Variants in MAGI2 observed in about 807,000 individuals in gnomAD.
The protein encoded by MAGI2 is membrane associated guanylate kinase, WW and PDZ domain containing 2.
MAGI2 carries 35 observed loss-of-function variants against 133.3 expected under a neutral mutation model. That is an observed-to-expected ratio of 0.26 (90% CI 0.20 to 0.35). MAGI2 has a LOEUF of 0.35. Among genes scored for constraint, MAGI2 ranks in the 10% least tolerant of loss-of-function variants. The pLI, the probability that MAGI2 is intolerant of heterozygous loss-of-function variation, is 1.00. For synonymous variants in MAGI2, 729 were observed against 710.6 expected, an observed-to-expected ratio of 1.03 and a Z score of -0.41; for missense variants, 1,636 against 1,863.4, an observed-to-expected ratio of 0.88 and a Z score of 2.25.
intron 1 of MAGI2, among the ~76,000 whole-genome samples, chr7:79,187,242 T>C (rs1280902798): frequency 6.6e-6 from 1 of 151,800 alleles, no homozygotes; most frequent in African/African-American, 2.4e-5. Flanking sequence ...ATTATTTTAA[T>C]TCTCATAATT....
intron 1 of MAGI2, among the ~76,000 whole-genome samples, chr7:79,315,341 T>A (rs1268639041): frequency 4.3e-5 from 4 of 92,930 alleles, no homozygotes; most frequent in Non-Finnish European, 1.1e-4. Flanking sequence ...TTTTTTTTTT[T>A]TTTTTGTATT....
At chr7:78,638,027 G>A (rs1307934104) in intron 2 of MAGI2, among the ~76,000 whole-genome samples, 1 of 151,836 alleles carries the variant, frequency 6.6e-6, no homozygotes, top group African/African-American at 2.4e-5. Context: ...TCATGCCACT[G>A]CACTCAGCCT....
chr7:79,302,688 C>A (rs1259948875), intron 1 of MAGI2, among the ~76,000 whole-genome samples: 1 of 152,126 alleles, frequency 6.6e-6, no homozygotes, highest in Admixed American at 6.6e-5. Flanking sequence ...TCAACAAAAT[C>A]AGTTAGAGAT....
intron 5 of MAGI2, among the ~76,000 whole-genome samples, chr7:78,493,252 T>C (rs1352964552): frequency 6.6e-6 from 1 of 152,214 alleles, no homozygotes; most frequent in Non-Finnish European, 1.5e-5. Flanking sequence ...ATTTGTAAGC[T>C]TAACTTTTGC....
chr7:78,302,579 T>C (rs966570838), intron 9 of MAGI2, among the ~76,000 whole-genome samples: 6 of 152,196 alleles, frequency 3.9e-5, no homozygotes, highest in Non-Finnish European at 7.4e-5. Flanking sequence ...CAAACGAATA[T>C]AAACAGCTTC....
chr7:78,719,360 G>GA (rs905270085), intron 2 of MAGI2, among the ~76,000 whole-genome samples: 13 of 149,960 alleles, frequency 8.7e-5, no homozygotes, highest in African/African-American at 3.2e-4. Flanking sequence ...AAGGTTGAAG[G>GA]AAAAAAAATA....
rs561897529 is a variant in MAGI2, at chr7:78,584,047, TG to T, written c.538+43072del. Among the ~76,000 whole-genome samples the T allele has an allele frequency of 2.6e-3, 399 of 152,292 alleles. 5 individuals are homozygous for T. The highest frequency in any genetic ancestry group is 0.025 in the Admixed American group (377 of 15,294). ...AGAAGCTTATGTAACCCATGTGTGATGGGAAAAAACCAAACCAAATCAAACA... is the reference window on the plus strand; with the variant it reads ...AGAAGCTTATGTAACCCATGTGTGATGGAAAAAACCAAACCAAATCAAACA... On this transcript the variant is annotated intron_variant, in intron 3 of 21. Transcript: ENST00000354212.
intron 1 of MAGI2, among the ~76,000 whole-genome samples, chr7:79,113,305 G>A (rs1007811857): frequency 2.6e-5 from 4 of 152,148 alleles, no homozygotes; most frequent in Non-Finnish European, 4.4e-5. Context: ...CCCATGGTGA[G>A]CTATTTCTTT....
intron 14 of MAGI2, among the ~76,000 whole-genome samples, chr7:78,174,071 G>A (rs989860923): frequency 2.6e-5 from 4 of 152,132 alleles, no homozygotes; most frequent in Admixed American, 1.3e-4. Context: ...AGAGCCTGTA[G>A]AACTTAGAGG....
chr7:78,903,764 A>C (rs1797798845), intron 2 of MAGI2, among the ~76,000 whole-genome samples: 1 of 152,116 alleles, frequency 6.6e-6, no homozygotes, highest in Admixed American at 6.6e-5. Flanking sequence ...GTGCATAGAA[A>C]AATACGCAGT....
chr7:78,231,755 G>C (rs1364931277), intron 10 of MAGI2, among the ~76,000 whole-genome samples: 1 of 152,122 alleles, frequency 6.6e-6, no homozygotes, highest in Middle Eastern at 3.2e-3. Context: ...TGGACACAAA[G>C]GGAAGTCTTT....
intron 1 of MAGI2, among the ~76,000 whole-genome samples, chr7:79,134,960 A>G (rs1821249327): frequency 6.6e-6 from 1 of 152,224 alleles, no homozygotes; most frequent in Non-Finnish European, 1.5e-5. Flanking sequence ...CACAACACAA[A>G]TATTTTGAGA....
intron 2 of MAGI2, among the ~76,000 whole-genome samples, chr7:78,655,016 T>G (rs2151023400): frequency 6.6e-6 from 1 of 151,944 alleles, no homozygotes; most frequent in South Asian, 2.1e-4. Context: ...GGATAAATGC[T>G]TGAGGTGATA....
chr7:79,057,877 T>C (rs962558805), intron 1 of MAGI2, among the ~76,000 whole-genome samples: 3 of 151,986 alleles, frequency 2.0e-5, no homozygotes, highest in South Asian at 2.1e-4. Flanking sequence ...TCCACTTCCA[T>C]TGCATTTTTT....
rs1198334648 is a variant in MAGI2 at position 78,209,202 on chromosome 7, A to T, written c.2048-8009T>A. Reference sequence around the variant, plus strand: ...GCGCCACTGCACTCCACCCTGGGCGACAGAGCAAGACTCTGTCTCAAAAAA... The same window carrying T: ...GCGCCACTGCACTCCACCCTGGGCGTCAGAGCAAGACTCTGTCTCAAAAAA... On this transcript the variant is annotated intron_variant, in intron 10 of 21. Transcript: ENST00000354212. Among the ~76,000 whole-genome samples the T allele has an allele frequency of 2.2e-4, 6 of 27,366 alleles. 1 individual carries two copies. Among genetic ancestry groups the T allele is most frequent in the African/African-American group, 4.6e-4 (6 of 12,990 alleles). The allele number at this position is 27,366 out of a possible 152,430, so 18.0% of individuals were successfully genotyped here. A position where few individuals can be genotyped will look rare whatever the true frequency, so the allele number is the denominator to read the frequency against.
chr7:79,309,968 T>TAAAAAAAAAAAAAAAA (rs111847690), intron 1 of MAGI2, among the ~76,000 whole-genome samples: 1 of 101,506 alleles, frequency 9.9e-6, no homozygotes, highest in Non-Finnish European at 2.0e-5. Context: ...TTGTTTTTCC[T>TAAAAAAAAAAAAAAAA]AAAAAAAAAA....
intron 21 of MAGI2, among the ~76,000 whole-genome samples, chr7:78,062,349 C>T (rs187231999): frequency 1.3e-5 from 2 of 152,104 alleles, no homozygotes; most frequent in East Asian, 1.9e-4. Flanking sequence ...GAGTAGCAGG[C>T]GAAGGCCACT....
At chr7:78,424,495 C>T (rs1799100747) in intron 6 of MAGI2, among the ~76,000 whole-genome samples, 1 of 151,986 alleles carries the variant, frequency 6.6e-6, no homozygotes, top group South Asian at 2.1e-4. Flanking sequence ...CCTAGTGGAG[C>T]AGTGAAAAAA....
At chr7:78,995,042 A>G (rs1462438578) in intron 2 of MAGI2, among the ~76,000 whole-genome samples, 1 of 152,126 alleles carries the variant, frequency 6.6e-6, no homozygotes, top group Admixed American at 6.6e-5. Flanking sequence ...GTGCAAGAAG[A>G]ATTCAGAAAG....
Sources: gnomAD v4.1 joint callset for allele counts (sites outside exome capture counted in the v4.1 genomes callset) on GRCh38, gnomAD v4.1.1 for gene constraint, MANE v1.5 for transcripts, NCBI Gene and HGNC (gene_info 2026-07-23, HGNC 2026-07-21) for gene names.